Variants in SAR1B observed in about 807,000 individuals in gnomAD.
SAR1B encodes the protein small COPII coat GTPase SAR1B.
In SAR1B, 23 loss-of-function variants were observed where a neutral mutation model predicts 26.8. The ratio of observed to expected loss-of-function variants is 0.86; its 90% CI spans 0.62 to 1.22. SAR1B has a LOEUF of 1.22. Among genes scored for constraint, SAR1B ranks in the 50% most tolerant of loss-of-function variants. The probability of loss-of-function intolerance (pLI) is 0.00; values close to 1 mark genes in which losing one functional copy is unlikely to be tolerated. For synonymous variants in SAR1B, 65 were observed against 80.8 expected, an observed-to-expected ratio of 0.80 and a Z score of 1.05; for missense variants, 196 against 232.8, an observed-to-expected ratio of 0.84 and a Z score of 1.03.
At chr5:134,609,419 C>CA (rs1765178511) in intron 5 of SAR1B, 152 bp downstream of exon 5, 2 of 686,948 alleles carry the variant, frequency 2.9e-6, no homozygotes, top group African/African-American at 1.8e-5. Flanking sequence ...TCTAAGTAAT[C>CA]ACTACTTAAA....
chr5:134,616,361 C>T (rs974189119), intron 3 of SAR1B, among the ~76,000 whole-genome samples: 2 of 147,188 alleles, frequency 1.4e-5, no homozygotes, highest in Admixed American at 1.4e-4. Flanking sequence ...CGCTTGAACC[C>T]GGGAGGTGGA....
At chr5:134,608,685 T>C (rs908545034) in intron 5 of SAR1B, among the ~76,000 whole-genome samples, 182 bp from the exon 6 acceptor site, 1 of 152,220 alleles carries the variant, frequency 6.6e-6, no homozygotes, top group Non-Finnish European at 1.5e-5. Context: ...AATTCTTCTG[T>C]CTTCCTAAGG....
intron 5 of SAR1B, chr5:134,609,112 GC>G (rs940305814): frequency 2.2e-6 from 1 of 456,730 alleles, no homozygotes; most frequent in African/African-American, 2.0e-5. Context: ...CTGCTGTTGG[GC>G]CCCTTTACAA....
chr5:134,615,335 G>C (rs1422250362), intron 3 of SAR1B, among the ~76,000 whole-genome samples: 1 of 145,838 alleles, frequency 6.9e-6, no homozygotes, highest in Non-Finnish European at 1.5e-5. Flanking sequence ...GGAACAGAGC[G>C]AGACTCCATC....
At chr5:134,623,504 T>TAAAAAAA (rs62986962) in intron 2 of SAR1B, among the ~76,000 whole-genome samples, 14 of 137,850 alleles carry the variant, frequency 1.0e-4, no homozygotes, top group Non-Finnish European at 1.4e-4. Flanking sequence ...TCTATAAAAT[T>TAAAAAAA]AAAAAAAAAA....
rs79192135 is a variant in SAR1B at position 134,621,075 on chromosome 5, G to T, written c.59-23C>A. On this transcript the variant is annotated intron_variant, in intron 2 of 6. Coordinates refer to ENST00000402673, the MANE Select transcript of SAR1B (RefSeq NM_016103.4). ...ATCCTGCAAAGCAAGAGCTATGATT[G>T]GTCAAAGTGATATCTGATACTAATT... is the stretch of plus-strand genomic sequence containing the variant. The T allele has an allele frequency of 8.0e-4, 1,288 of 1,610,238 alleles. 11 individuals carry two copies. In the African/African-American group the frequency reaches 0.016, roughly 20 times the overall value.
At chr5:134,611,046 T>C (rs1389328507) in intron 4 of SAR1B, among the ~76,000 whole-genome samples, 3 of 152,092 alleles carry the variant, frequency 2.0e-5, no homozygotes, top group African/African-American at 4.8e-5. Flanking sequence ...AAATTCTGTG[T>C]AGAGACAGGG....
intron 3 of SAR1B, among the ~76,000 whole-genome samples, chr5:134,619,438 A>G (rs1784607624): frequency 6.6e-6 from 1 of 151,698 alleles, no homozygotes; most frequent in African/African-American, 2.4e-5. Flanking sequence ...TAGCTCAGTG[A>G]AGCCTTGAAC....
At chr5:134,608,299 A>G in intron 6 of SAR1B, 73 bp downstream of exon 6, 2 of 1,433,968 alleles carry the variant, frequency 1.4e-6, no homozygotes, top group Non-Finnish European at 1.9e-6. Flanking sequence ...GTATAGTTGG[A>G]CAATAGTAAT....
intron 5 of SAR1B, 63 bp from the exon 6 acceptor site, chr5:134,608,566 G>T (rs1765166802): frequency 1.3e-6 from 2 of 1,540,016 alleles, no homozygotes; most frequent in South Asian, 1.1e-5. Context: ...AGCTTATTTT[G>T]ATATGATAAA....
At chr5:134,623,865 C>T in intron 2 of SAR1B, 97 bp downstream of exon 2, 1 of 826,404 alleles carries the variant, frequency 1.2e-6, no homozygotes, top group East Asian at 2.4e-5. Flanking sequence ...CTATTCTTTA[C>T]TACTGGCTTA....
At chr5:134,621,194 G>C in intron 2 of SAR1B, 142 bp from the exon 3 acceptor site, 1 of 919,038 alleles carries the variant, frequency 1.1e-6, no homozygotes, top group Non-Finnish European at 1.6e-6. Flanking sequence ...TCATGGCCGG[G>C]CACGGTGGCT....
intron 4 of SAR1B, among the ~76,000 whole-genome samples, chr5:134,611,702 A>C (rs1765215747): frequency 6.6e-6 from 1 of 152,156 alleles, no homozygotes; most frequent in Non-Finnish European, 1.5e-5. Context: ...AGCTGAGAGC[A>C]CTCCAACTGA....
At chr5:134,618,556 GTCTA>G (rs1297118556) in intron 3 of SAR1B, among the ~76,000 whole-genome samples, 1 of 152,092 alleles carries the variant, frequency 6.6e-6, no homozygotes, top group Non-Finnish European at 1.5e-5. Context: ...TAAACTCTGT[GTCTA>G]TCTGATTCAT....
At chr5:134,623,818 G>A in intron 2 of SAR1B, 144 bp downstream of exon 2, 1 of 657,528 alleles carries the variant, frequency 1.5e-6, no homozygotes, top group Non-Finnish European at 2.8e-6. Flanking sequence ...ATGAGTAATT[G>A]AACATCTATG....
At chr5:134,615,581 T>C (rs4958255) in intron 3 of SAR1B, among the ~76,000 whole-genome samples, 127,596 of 151,492 alleles carry the variant, frequency 0.84, 54,049 homozygotes, top group Admixed American at 0.9. Flanking sequence ...TTTGGGAGGC[T>C]GAGGCGGGTG....
chr5:134,623,004 T>A (rs1450680986), intron 2 of SAR1B, among the ~76,000 whole-genome samples: 1 of 150,384 alleles, frequency 6.6e-6, no homozygotes, highest in Non-Finnish European at 1.5e-5. Flanking sequence ...ATGCCTGTAA[T>A]CCCAGATACT....
intron 1 of SAR1B, among the ~76,000 whole-genome samples, chr5:134,627,826 A>C (rs573701304): frequency 2.5e-4 from 36 of 144,998 alleles, no homozygotes; most frequent in African/African-American, 9.1e-4. Context: ...ATAAATAAAT[A>C]AATAAATAAA....
Position 134,606,548 on chromosome 5 carries a change from G to C in SAR1B, c.*402C>G, listed in dbSNP as rs1341545116. 1 of 227,060 alleles carries C rather than the reference G, an allele frequency of 4.4e-6. No homozygotes were observed. The highest frequency in any genetic ancestry group is 2.3e-5 in the African/African-American group (1 of 43,614). The allele number at this position is 227,060 out of a possible 1,614,324, so 14.1% of individuals were successfully genotyped here. A position where few individuals can be genotyped will look rare whatever the true frequency, so the allele number is the denominator to read the frequency against. On this transcript the variant is annotated 3_prime_UTR_variant, in exon 7 of 7. Coordinates refer to ENST00000402673, the MANE Select transcript of SAR1B (RefSeq NM_016103.4). ...AATTATTAACTGTACACTTAAGATAGGTGGACATATAATCTAAAATTTAAA... is the reference window on the plus strand; with the variant it reads ...AATTATTAACTGTACACTTAAGATACGTGGACATATAATCTAAAATTTAAA...
Sources: allele counts gnomAD v4.1 joint callset (sites outside exome capture counted in the v4.1 genomes callset), GRCh38; gene constraint gnomAD v4.1.1; transcripts MANE v1.5; gene names NCBI Gene and HGNC (gene_info 2026-07-23, HGNC 2026-07-21).